The following CREB5 variants were observed in gnomAD, a reference collection of about 807,000 sequenced individuals.
The protein encoded by CREB5 is cyclic AMP-responsive element-binding protein 5.
CREB5 carries 19 observed loss-of-function variants against 57.1 expected under a neutral mutation model. That is an observed-to-expected ratio of 0.33 (90% confidence interval 0.23 to 0.49). The LOEUF is 0.49. Among genes scored for constraint, CREB5 ranks in the 20% least tolerant of loss-of-function variants. The pLI is 0.99. For missense variants in CREB5, 579 were observed against 671.6 expected, an observed-to-expected ratio of 0.86 and a Z score of 1.52; for synonymous variants, 238 against 238.3, an observed-to-expected ratio of 1.00 and a Z score of 0.01.
At chr7:28,711,060 G>A (rs997755354) in intron 5 of CREB5, among the ~76,000 whole-genome samples, 4 of 152,190 alleles carry the variant, frequency 2.6e-5, no homozygotes, top group African/African-American at 4.8e-5. Context: ...AGAGCAATGA[G>A]CGAGAGAGGT....
At chr7:28,616,067 T>C (rs1419354903) in intron 5 of CREB5, among the ~76,000 whole-genome samples, 1 of 152,256 alleles carries the variant, frequency 6.6e-6, no homozygotes, top group Non-Finnish European at 1.5e-5. Flanking sequence ...AATCTGAGTA[T>C]TCTGATTGCA....
intron 2 of CREB5, among the ~76,000 whole-genome samples, chr7:28,488,792 G>T (rs1791678609): frequency 6.6e-6 from 1 of 152,174 alleles, no homozygotes; most frequent in African/African-American, 2.4e-5. Context: ...ATCTCTTTTA[G>T]CCTCTGATGG....
At chr7:28,693,531 A>T (rs1227038340) in intron 5 of CREB5, among the ~76,000 whole-genome samples, 2 of 152,166 alleles carry the variant, frequency 1.3e-5, no homozygotes, top group African/African-American at 4.8e-5. Context: ...TAAAAAAAAA[A>T]AAAGAAAAAA....
chr7:28,795,308 A>G (rs1385222334), intron 7 of CREB5, among the ~76,000 whole-genome samples: 1 of 152,094 alleles, frequency 6.6e-6, no homozygotes, highest in Non-Finnish European at 1.5e-5. Context: ...TTCCTGCTCA[A>G]TTTCTCATTA....
intron 5 of CREB5, among the ~76,000 whole-genome samples, chr7:28,643,730 AT>A (rs1798772306): frequency 6.7e-6 from 1 of 148,266 alleles, no homozygotes; most frequent in African/African-American, 2.5e-5. Flanking sequence ...AGTCTCACGA[AT>A]AGTTCACGGG....
chr7:28,468,404 T>C (rs960189852), intron 1 of CREB5, among the ~76,000 whole-genome samples: 1 of 152,188 alleles, frequency 6.6e-6, no homozygotes, highest in African/African-American at 2.4e-5. Context: ...ACCTTGACTG[T>C]CCAAGTCCAT....
chr7:28,595,689 C>G (rs1415672971), intron 5 of CREB5, among the ~76,000 whole-genome samples: 1 of 152,224 alleles, frequency 6.6e-6, no homozygotes, highest in East Asian at 1.9e-4. Context: ...GTCTTAATTT[C>G]AAAGCTGATG....
At chr7:28,766,852 G>C (rs1806026004) in intron 7 of CREB5, among the ~76,000 whole-genome samples, 1 of 152,208 alleles carries the variant, frequency 6.6e-6, no homozygotes, top group Admixed American at 6.5e-5. Context: ...ATGATCGTGT[G>C]TCTTCATCAA....
intron 2 of CREB5, chr7:28,491,348 T>A: frequency 1.6e-6 from 1 of 640,666 alleles, no homozygotes; most frequent in Non-Finnish European, 1.9e-6. Context: ...CCAATTCCTC[T>A]GAGAAAGGAA....
At chr7:28,669,568 G>C (rs41342) in intron 5 of CREB5, among the ~76,000 whole-genome samples, 64,660 of 151,938 alleles carry the variant, frequency 0.43, 13,907 homozygotes, top group East Asian at 0.67. Flanking sequence ...TCTGCTCTAG[G>C]CTTACAACAC....
chr7:28,695,099 C>A (rs1259790523), intron 5 of CREB5, among the ~76,000 whole-genome samples: 1 of 152,118 alleles, frequency 6.6e-6, no homozygotes, highest in Non-Finnish European at 1.5e-5. Flanking sequence ...TGGTATCATG[C>A]ACCTGTGGTC....
chr7:28,794,300 C>A (rs1229029055), intron 7 of CREB5, among the ~76,000 whole-genome samples: 2 of 152,134 alleles, frequency 1.3e-5, no homozygotes, highest in Non-Finnish European at 2.9e-5. Context: ...GTTAGCAAGA[C>A]AAAGGGCATT....
chr7:28,323,102 T>C (rs970110737), intron 1 of CREB5, among the ~76,000 whole-genome samples: 1 of 152,180 alleles, frequency 6.6e-6, no homozygotes, highest in African/African-American at 2.4e-5. Context: ...TCCAGCTTAA[T>C]GACCATGCCC....
At chr7:28,461,761 C>T (rs1447508110) in intron 1 of CREB5, among the ~76,000 whole-genome samples, 2 of 152,094 alleles carry the variant, frequency 1.3e-5, no homozygotes, top group East Asian at 1.9e-4. Context: ...AGAAAATTCT[C>T]ATGTCACAAT....
chr7:28,690,099 C>T, intron 5 of CREB5, among the ~76,000 whole-genome samples: 2 of 152,126 alleles, frequency 1.3e-5, no homozygotes, highest in East Asian at 3.9e-4. Flanking sequence ...GTCTAATGCC[C>T]TTGCCTGTCA....
At chr7:28,771,913 C>A (rs888147483) in intron 7 of CREB5, among the ~76,000 whole-genome samples, 1 of 152,166 alleles carries the variant, frequency 6.6e-6, no homozygotes, top group Non-Finnish European at 1.5e-5. Flanking sequence ...AGCATCCCAG[C>A]CTTCCTCTGT....
intron 1 of CREB5, among the ~76,000 whole-genome samples, chr7:28,451,046 C>T (rs7789072): frequency 0.027 from 4,036 of 152,202 alleles, 179 homozygotes; most frequent in African/African-American, 0.091. Flanking sequence ...GTTGCTGTAA[C>T]AGATGTAAAT....
intron 6 of CREB5, among the ~76,000 whole-genome samples, chr7:28,721,854 C>T (rs1014437196): frequency 2.0e-4 from 31 of 152,180 alleles, no homozygotes; most frequent in African/African-American, 7.2e-4. Flanking sequence ...ATTACAAAAC[C>T]TCACTGAACT....
chr7:28,576,410 G>C (rs1433899985), intron 5 of CREB5, among the ~76,000 whole-genome samples: 1 of 152,186 alleles, frequency 6.6e-6, no homozygotes, highest in Middle Eastern at 3.2e-3. Flanking sequence ...AAGTCACCCA[G>C]CCAGGGAGAT....
Sources: gnomAD v4.1 joint callset for allele counts (sites outside exome capture counted in the v4.1 genomes callset) on GRCh38, gnomAD v4.1.1 for gene constraint, MANE v1.5 for transcripts, NCBI Gene and HGNC (gene_info 2026-07-23, HGNC 2026-07-21) for gene names.